Variants in CAD observed in about 807,000 individuals in gnomAD.
CAD encodes the protein carbamoyl-phosphate synthetase 2, aspartate transcarbamylase, and dihydroorotase.
CAD carries 81 observed loss-of-function variants against 237.2 expected under a neutral mutation model. The observed-to-expected ratio is 0.34, with a 90% CI of 0.29 to 0.41. The LOEUF is 0.41. CAD is among the 10% of genes least tolerant of loss of function. The pLI, the probability that CAD is intolerant of heterozygous loss-of-function variation, is 1.00. For synonymous variants in CAD, 1,196 were observed against 1,162.8 expected (o/e 1.03, Z -0.58); for missense variants, 2,181 against 2,951.7 (o/e 0.74, Z 6.05).
chr2:27,240,954 A>G lies in CAD; in HGVS notation c.5637A>G (p.Pro1879=). 1.9e-6 allele frequency: 3 copies of G among 1,614,080 alleles called. No homozygotes were observed. The highest frequency in any genetic ancestry group is 2.5e-6 in the Non-Finnish European group (3 of 1,179,986). Residue 1879 remains proline (P), a splice_region_variant and synonymous_variant, in exon 36 of 44, where the codon CCA becomes CCG. Transcript: ENST00000264705. This position sits in a 1 kb window ranked among gnomAD's most constrained non-coding sequence, Gnocchi z 4.6. ...KEKSSRKVAE[P]ELMGTPDGTC... is the part of the protein sequence containing the mutation. ...AGTCCTCTCGGAAGGTAGCCGAGCCAGGTGAGACTCCACCCTGACACACAC... is the reference window on the plus strand; with the variant it reads ...AGTCCTCTCGGAAGGTAGCCGAGCCGGGTGAGACTCCACCCTGACACACAC...
rs376950609 is a variant in CAD, at chr2:27,233,585, G to A, written c.3217-41G>A. 16 of 1,613,642 alleles carry A rather than the reference G, an allele frequency of 9.9e-6. No homozygotes were observed. The highest frequency in any genetic ancestry group is 6.7e-5 in the African/African-American group (5 of 74,936). On this transcript the variant is annotated intron_variant, in intron 20 of 43. Transcript: ENST00000264705. The surrounding 1 kb of genome is among the most constrained non-coding windows in gnomAD (Gnocchi z 6.3). ...CCCGGAGGCTGGATGATGCTTGGGG[G>A]AAAGTGTGAACAACTCAGCTAAGCT...
rs752067846 is a variant in CAD, at chr2:27,242,108, G to A, written c.6081G>A (p.Gln2027=). 1.9e-6 allele frequency: 3 copies of A among 1,612,932 alleles called. No homozygotes were observed. The South Asian group carries it at 3.3e-5, about 18-fold the overall frequency. Residue 2027 remains glutamine (Q), a synonymous_variant, in exon 39 of 44, where the codon CAG becomes CAA. Coordinates refer to ENST00000264705, the MANE Select transcript of CAD (RefSeq NM_004341.5). This position sits in a 1 kb window ranked among gnomAD's most constrained non-coding sequence, Gnocchi z 6.4. ...YADVVVLRHP[Q]PGAVELAAKH... ...ACGTCGTCGTGCTCCGGCACCCCCA[G>A]CCTGGAGCAGTGGAGGTGAGGCCAG... is the stretch of plus-strand genomic sequence containing the variant.
intron 6 of CAD, 45 bp downstream of exon 6, chr2:27,223,082 G>T (rs778455596): frequency 2.5e-6 from 4 of 1,585,358 alleles, no homozygotes; most frequent in Admixed American, 3.4e-5. Flanking sequence ...TGTGGCATGA[G>T]GGGTGGGGTG....
At chr2:27,226,444 C>T in intron 13 of CAD, 81 bp from the exon 14 acceptor site, 2 of 1,565,494 alleles carry the variant, frequency 1.3e-6, no homozygotes, top group African/African-American at 1.4e-5. Flanking sequence ...ATCTTCTTTA[C>T]TAGGTTACTT....
At chr2:27,224,216 G>C in intron 8 of CAD, 129 bp from the exon 9 acceptor site, 2 of 1,067,582 alleles carry the variant, frequency 1.9e-6, no homozygotes, top group Non-Finnish European at 2.7e-6. Flanking sequence ...CCTGGGTTCT[G>C]GTCCTCCCTC....
chr2:27,238,227 C>T (rs1203627085), intron 30 of CAD, 40 bp downstream of exon 30: 1 of 1,605,412 alleles, frequency 6.2e-7, no homozygotes, highest in Non-Finnish European at 8.5e-7. Context: ...CTGTTGCTTT[C>T]CCAGTAACAC....
In CAD at chr2:27,223,035, G is replaced by A. The variant is rs1182586590; in HGVS notation, c.807G>A (p.Met269Ile). ...CCATTGGGGCCAAGACTTACAAGAT[G>A]AGGTGGGACTTGTGGGGAGCAGAAG... ...ALAIGAKTYK[M>I]RYGNRGHNQP... Residue 269 changes from methionine (M) to isoleucine (I), a missense_variant and splice_region_variant, in exon 6 of 44, where the codon ATG (methionine) becomes ATA (isoleucine). This residue lies in a region of CAD where 4 missense variants were observed against 18.4 expected (regional missense o/e 0.22). Coordinates refer to ENST00000264705, the MANE Select transcript of CAD (RefSeq NM_004341.5). 2 of 1,614,020 alleles carry A rather than the reference G, an allele frequency of 1.2e-6. No homozygotes were observed. Among genetic ancestry groups the A allele is most frequent in the African/African-American group, 2.7e-5 (2 of 74,920 alleles).
At position 27,237,411 on chromosome 2, in the gene CAD, C is replaced by T; in HGVS notation, c.4429C>T (p.Pro1477Ser). The T allele has an allele frequency of 6.2e-7, 1 of 1,614,156 alleles. No individual in the cohort carries two copies. ...LIDVHVHLREPGGTHKEDFAS... is the reference protein window; with the variant it reads ...LIDVHVHLRESGGTHKEDFAS... Reference sequence around the variant, plus strand: ...TGATGTCCATGTGCACCTGCGGGAACCAGGTGGGACACATAAGGAGGACTT... The same window carrying T: ...TGATGTCCATGTGCACCTGCGGGAATCAGGTGGGACACATAAGGAGGACTT... The change falls in exon 28 of 44, where the codon CCA becomes TCA. Residue 1477 changes from proline (P) to serine (S), a missense_variant. Pro to Ser is a moderately conservative substitution (Grantham distance 74, BLOSUM62 -1). Coordinates refer to ENST00000264705, the MANE Select transcript of CAD (RefSeq NM_004341.5). The surrounding 1 kb of genome is among the most constrained non-coding windows in gnomAD (Gnocchi z 4.0).
chr2:27,242,589 G>T lies in CAD; in HGVS notation c.6223-31G>T. The T allele has an allele frequency of 6.4e-7, 1 of 1,573,444 alleles. No homozygotes were observed. Among genetic ancestry groups the T allele is most frequent in the African/African-American group, 1.3e-5 (1 of 74,442 alleles). The stretch of plus-strand genomic sequence containing the variant: ...TGATGTCGGGGGGCACTCAGTCTGG[G>T]ATCCCTGTGGTGACTGGATTCCTCT... On this transcript the variant is annotated intron_variant, in intron 40 of 43. Transcript: ENST00000264705. This position sits in a 1 kb window ranked among gnomAD's most constrained non-coding sequence, Gnocchi z 6.4.
rs1332735087 is a variant in CAD, at chr2:27,222,917, C to G, written c.689C>G (p.Pro230Arg). The G allele has an allele frequency of 6.2e-7, 1 of 1,613,986 alleles. No homozygotes were observed. The highest frequency in any genetic ancestry group is 8.5e-7 in the Non-Finnish European group (1 of 1,179,990). The change falls in exon 6 of 44, where the codon CCC (proline) becomes CGC (arginine). Residue 230 changes from proline (P) to arginine (R), a missense_variant. By Grantham distance (103) the Pro-to-Arg change is moderately radical. Coordinates refer to ENST00000264705, the MANE Select transcript of CAD (RefSeq NM_004341.5). ...GGGCCTGGTGACCCTGCCTCCTATC[C>G]CAGTGTCGTATCCACACTGAGCCGT... ...SNGPGDPASY[P>R]SVVSTLSRVL...
intron 2 of CAD, among the ~76,000 whole-genome samples, chr2:27,221,013 G>A (rs770052371): frequency 3.9e-5 from 6 of 152,136 alleles, no homozygotes; most frequent in East Asian, 1.9e-4. Flanking sequence ...AGTGATCATC[G>A]GGGCACCCTG....
In CAD at chr2:27,223,570, A is replaced by G; in HGVS notation, c.817A>G (p.Asn273Asp). 6.2e-7 allele frequency: 1 copy of G among 1,612,526 alleles called. No individual in the cohort carries two copies. The highest frequency in any genetic ancestry group is 8.5e-7 in the Non-Finnish European group (1 of 1,179,962). The change falls in exon 7 of 44, where the codon AAC (asparagine) becomes GAC (aspartate). Residue 273 changes from asparagine (N) to aspartate (D), a missense_variant. Physicochemically the swap from Asn to Asp is conservative, Grantham distance 23. This residue lies in a region of CAD where 4 missense variants were observed against 18.4 expected (regional missense o/e 0.22). Coordinates refer to ENST00000264705, the MANE Select transcript of CAD (RefSeq NM_004341.5). ...GAKTYKMRYG[N>D]RGHNQPCLLV... is the part of the protein sequence containing the mutation. ...GCATGCTTCTACCTCCAGATATGGG[A>G]ACCGAGGCCATAACCAGCCCTGCTT...
Position 27,242,823 on chromosome 2 carries a change from G to A in CAD, c.6378+48G>A. 1 of 1,614,004 alleles carries A rather than the reference G, an allele frequency of 6.2e-7. No homozygotes were observed. The highest frequency in any genetic ancestry group is 1.7e-5 in the Admixed American group (1 of 60,012). ...TGGAAGCCATGGAGATGTGGGTTGG[G>A]CAGTCAGAGCCCAGCGCTGCATCCA... On this transcript the variant is annotated intron_variant, in intron 41 of 43. Transcript: ENST00000264705. This position sits in a 1 kb window ranked among gnomAD's most constrained non-coding sequence, Gnocchi z 6.4.
chr2:27,235,890 AAG>A lies in CAD; in HGVS notation c.4074+252_4074+253del, dbSNP rs1399581812. ...TGCTGTCTCAAAAAAAAAAAAAACAAAGAATTATCTCCTATTCCCCTGCTTTT... is the reference window on the plus strand; with the variant it reads ...TGCTGTCTCAAAAAAAAAAAAAACAAAATTATCTCCTATTCCCCTGCTTTT... On this transcript the variant is annotated intron_variant, in intron 25 of 43. Transcript: ENST00000264705. The surrounding 1 kb of genome is among the most constrained non-coding windows in gnomAD (Gnocchi z 5.2). The A allele has an allele frequency of 6.1e-6, 3 of 489,052 alleles. No individual in the cohort carries two copies. The highest frequency in any genetic ancestry group is 1.1e-5 in the Non-Finnish European group (3 of 276,282). 30.3% of individuals were successfully genotyped at this position (489,052 alleles called of 1,614,324 possible).
chr2:27,218,052 C>T (rs745519081), intron 2 of CAD, 36 bp downstream of exon 2: 33 of 1,547,652 alleles, frequency 2.1e-5, no homozygotes, highest in Non-Finnish European at 2.6e-5. Flanking sequence ...CATTCCTTTT[C>T]AAGTCAGTAA....
intron 16 of CAD, 122 bp from the exon 17 acceptor site, chr2:27,231,858 G>A (rs898255940): frequency 8.5e-7 from 1 of 1,174,360 alleles, no homozygotes; most frequent in Non-Finnish European, 1.2e-6. Context: ...CCAGGTTTTT[G>A]CAGTTACACA....
chr2:27,243,390 C>CTTTTTTTTTTTT (rs5830040), intron 43 of CAD, 26 bp from the exon 44 acceptor site: 2 of 1,378,828 alleles, frequency 1.5e-6, no homozygotes, highest in Non-Finnish European at 2.0e-6. Flanking sequence ...ATAACACTTC[C>CTTTTTTTTTTTT]TTTTTTTTTT....
chr2:27,241,346 C>T lies in CAD; in HGVS notation c.5833C>T (p.His1945Tyr). The part of the protein sequence containing the change: ...DQMSHLFNVA[H>Y]TLRMMVQKER... ...GATGTCTCACCTGTTCAATGTGGCA[C>T]ACACACTGCGTATGATGGTGCAGAA... The change falls in exon 38 of 44, where the codon CAC becomes TAC. Residue 1945 changes from histidine to tyrosine, a missense_variant. Physicochemically the swap from His to Tyr is moderately conservative, Grantham distance 83. Coordinates refer to ENST00000264705, the MANE Select transcript of CAD (RefSeq NM_004341.5). The surrounding 1 kb of genome is among the most constrained non-coding windows in gnomAD (Gnocchi z 4.6). 3 of 1,614,182 alleles carry T rather than the reference C, an allele frequency of 1.9e-6. No homozygotes were observed. The highest frequency in any genetic ancestry group is 1.7e-6 in the Non-Finnish European group (2 of 1,180,020).
rs200263670 is a variant in CAD, at chr2:27,222,848, C to T, written c.638-18C>T. 2.0e-5 allele frequency: 33 copies of T among 1,612,040 alleles called. No individual in the cohort carries two copies. The highest frequency in any genetic ancestry group is 1.9e-5 in the Non-Finnish European group (22 of 1,178,498). ...ATTGAAATACTGATTTTGATGTCAT[C>T]TTTTCTGCCCACTCCAGAGTATGAG... is the stretch of plus-strand genomic sequence containing the variant. On this transcript the variant is annotated intron_variant, in intron 5 of 43. Transcript: ENST00000264705.
Sources: allele counts gnomAD v4.1 joint callset (sites outside exome capture counted in the v4.1 genomes callset), GRCh38; gene constraint gnomAD v4.1.1; regional missense constraint gnomAD v4.1.1; non-coding constraint Gnocchi (gnomAD v3.1); transcripts MANE v1.5; gene names NCBI Gene and HGNC (gene_info 2026-07-23, HGNC 2026-07-21).